The following COL6A3 variants were observed in gnomAD, a reference collection of about 807,000 sequenced individuals.
COL6A3 encodes the protein collagen type VI alpha 3 chain.
COL6A3 carries 137 observed loss-of-function variants against 274.1 expected under a neutral mutation model. The ratio of observed to expected loss-of-function variants is 0.50; its 90% CI spans 0.44 to 0.58. COL6A3 has a LOEUF of 0.58. COL6A3 is among the 20% of genes least tolerant of loss of function. COL6A3 has a pLI of 0.00. For synonymous variants in COL6A3, 1,650 were observed against 1,650.6 expected (o/e 1.00, Z 0.01); for missense variants, 3,950 against 4,124.9 (o/e 0.96, Z 1.16).
chr2:237,344,205 A>G lies in COL6A3; in HGVS notation c.7668+145T>C. The G allele has an allele frequency of 3.2e-6, 4 of 1,264,308 alleles. No homozygotes were observed. Among genetic ancestry groups the G allele is most frequent in the Non-Finnish European group, 4.6e-6 (4 of 874,028 alleles). The allele number at this position is 1,264,308 out of a possible 1,614,324, so 78.3% of individuals were successfully genotyped here. A position where few individuals can be genotyped will look rare whatever the true frequency, so the allele number is the denominator to read the frequency against. On this transcript the variant is annotated intron_variant, in intron 36 of 43. Coordinates refer to ENST00000295550, the MANE Select transcript of COL6A3 (RefSeq NM_004369.4). This position sits in a 1 kb window ranked among gnomAD's most constrained non-coding sequence, Gnocchi z 4.8. ...ACGAGGTTGTCCTGGAGACCTCACAAGAGAAGTTCTCAGGCAGATGGCCTC... is the reference window on the plus strand; with the variant it reads ...ACGAGGTTGTCCTGGAGACCTCACAGGAGAAGTTCTCAGGCAGATGGCCTC...
At chr2:237,346,427 TG>T in intron 32 of COL6A3, 75 bp downstream of exon 32, 2 of 1,250,246 alleles carry the variant, frequency 1.6e-6, no homozygotes, top group South Asian at 1.2e-5. Context: ...GCAAAGCAGA[TG>T]GTGGGAAGTT....
In COL6A3 at chr2:237,374,174, CT is replaced by C. The variant is rs1308546233; in HGVS notation, c.3679+237del. On this transcript the variant is annotated intron_variant, in intron 8 of 43. Coordinates refer to ENST00000295550, the MANE Select transcript of COL6A3 (RefSeq NM_004369.4). The surrounding 1 kb of genome is among the most constrained non-coding windows in gnomAD (Gnocchi z 4.8). Reference sequence around the variant, plus strand: ...TGAATTCCAAGCTGCACATATGTCCCTTTTGGAGAATTTAATTTGCCCCAAA... The same window carrying C: ...TGAATTCCAAGCTGCACATATGTCCCTTTGGAGAATTTAATTTGCCCCAAA... Among the ~76,000 whole-genome samples, 8 of 152,334 alleles carry C rather than the reference CT, an allele frequency of 5.3e-5. No individual in the cohort carries two copies. The highest frequency in any genetic ancestry group is 3.9e-4 in the Admixed American group (6 of 15,298).
In COL6A3 at chr2:237,351,433, C is replaced by T. The variant is rs546669733; in HGVS notation, c.6754-241G>A. On this transcript the variant is annotated intron_variant, in intron 26 of 43. Coordinates refer to ENST00000295550, the MANE Select transcript of COL6A3 (RefSeq NM_004369.4). ...TATTACCTCTCAGTGCCAGTTTTCA[C>T]AAATTAATGCATGTTGCAGTTATTA... Among the ~76,000 whole-genome samples, 11 of 152,356 alleles carry T rather than the reference C, an allele frequency of 7.2e-5. No homozygotes were observed. In the South Asian group the frequency reaches 2.3e-3, roughly 32 times the overall value.
chr2:237,354,807 G>T, intron 24 of COL6A3, 92 bp downstream of exon 24: 1 of 1,073,918 alleles, frequency 9.3e-7, no homozygotes, highest in Non-Finnish European at 1.3e-6. Flanking sequence ...CCGAAGCTTT[G>T]GGTTCACAGG....
At position 237,378,625 on chromosome 2, in the gene COL6A3, G is replaced by A. The variant is rs768852525; in HGVS notation, c.2497+11C>T. ...AAGGAGAGGGAGTTCCCGGCAACAG[G>A]GGAGGTTTACCTGGCTGAGCGAGTG... On this transcript the variant is annotated intron_variant, in intron 6 of 43. Coordinates refer to ENST00000295550, the MANE Select transcript of COL6A3 (RefSeq NM_004369.4). 2.5e-6 allele frequency: 4 copies of A among 1,612,310 alleles called. No homozygotes were observed. The highest frequency in any genetic ancestry group is 3.4e-6 in the Non-Finnish European group (4 of 1,180,016).
chr2:237,391,000 C>T (rs1268707949), intron 3 of COL6A3, among the ~76,000 whole-genome samples: 1 of 152,110 alleles, frequency 6.6e-6, no homozygotes, highest in Admixed American at 6.5e-5. Flanking sequence ...TCATATTTTA[C>T]ACATATGTGT....
At chr2:237,341,778 C>A (rs2076994398) in intron 37 of COL6A3, among the ~76,000 whole-genome samples, 1 of 152,128 alleles carries the variant, frequency 6.6e-6, no homozygotes, top group Non-Finnish European at 1.5e-5. Context: ...GTCACTAGTG[C>A]CAATGTTTTC....
At chr2:237,403,920 C>A (rs1017368387) in intron 1 of COL6A3, among the ~76,000 whole-genome samples, 9 of 151,892 alleles carry the variant, frequency 5.9e-5, no homozygotes, top group Non-Finnish European at 1.3e-4. Context: ...CAAGCTCTAC[C>A]TTTCTTCCCT....
chr2:237,399,395 T>A (rs1284932611), intron 1 of COL6A3, among the ~76,000 whole-genome samples: 1 of 152,172 alleles, frequency 6.6e-6, no homozygotes, highest in South Asian at 2.1e-4. Context: ...GTGAGGAGCA[T>A]GTGGTAGCCT....
At chr2:237,350,255 T>C (rs1290923174) in intron 27 of COL6A3, 46 bp from the exon 28 acceptor site, 1 of 1,585,940 alleles carries the variant, frequency 6.3e-7, no homozygotes, top group African/African-American at 1.3e-5. Context: ...TGGGGCTGGC[T>C]TACAGTGTGA....
chr2:237,358,369 A>C, intron 21 of COL6A3, 152 bp downstream of exon 21: 1 of 705,980 alleles, frequency 1.4e-6, no homozygotes, highest in South Asian at 1.7e-5. Context: ...ACATCTCCCC[A>C]AACCCCCAAA....
rs935625247 is a variant in COL6A3, at chr2:237,382,473, T to C, written c.1313-974A>G. Among the ~76,000 whole-genome samples the C allele has an allele frequency of 2.6e-5, 4 of 152,152 alleles. No homozygotes were observed. In the East Asian group the frequency reaches 7.7e-4, roughly 29 times the overall value. ...AAACCATAAAGCAAAAACATCTCAA[T>C]AAGATAACTGTCTCACAGTGACTGT... is the stretch of plus-strand genomic sequence containing the variant. On this transcript the variant is annotated intron_variant, in intron 4 of 43. Coordinates refer to ENST00000295550, the MANE Select transcript of COL6A3 (RefSeq NM_004369.4).
intron 2 of COL6A3, among the ~76,000 whole-genome samples, chr2:237,395,416 A>C (rs1241786023): frequency 6.6e-6 from 1 of 152,182 alleles, no homozygotes; most frequent in Non-Finnish European, 1.5e-5. Context: ...TCACTAGCCC[A>C]AGTTCCATAC....
rs1333302966 is a variant in COL6A3 at position 237,367,202 on chromosome 2, A to G, written c.4985T>C (p.Val1662Ala). ...RDSFQEVLRF[V>A]SEIVDTVYED... Reference sequence around the variant, plus strand: ...ATAAACTGTGTCCACTATTTCAGACACAAAACGAAGCACTTCCTGGAAACT... The same window carrying G: ...ATAAACTGTGTCCACTATTTCAGACGCAAAACGAAGCACTTCCTGGAAACT... Residue 1662 changes from valine to alanine, a missense_variant, in exon 11 of 44, where the codon GTG becomes GCG. Val to Ala is a moderately conservative substitution (Grantham distance 64, BLOSUM62 0). Transcript: ENST00000295550. 1.2e-6 allele frequency: 2 copies of G among 1,613,918 alleles called. No individual in the cohort carries two copies. Among genetic ancestry groups the G allele is most frequent in the Non-Finnish European group, 1.7e-6 (2 of 1,179,898 alleles).
Position 237,366,949 on chromosome 2 carries a change from A to C in COL6A3, c.5238T>G (p.Ile1746Met). 1 of 1,614,250 alleles carries C rather than the reference A, an allele frequency of 6.2e-7. No homozygotes were observed. Residue 1746 changes from isoleucine to methionine, a missense_variant, in exon 11 of 44, where the codon ATT becomes ATG. This residue lies in a region of COL6A3 where 632 missense variants were observed against 623.4 expected (regional missense o/e 1.01). Coordinates refer to ENST00000295550, the MANE Select transcript of COL6A3 (RefSeq NM_004369.4). Reference protein sequence around the residue: ...GSRLDQRVPQIAFVITGGKSV... With the variant: ...GSRLDQRVPQMAFVITGGKSV... ...ACTTTCCTCCCGTGATCACAAAGGCAATCTGAGGGACCCGCTGGTCCAGGC... is the reference window on the plus strand; with the variant it reads ...ACTTTCCTCCCGTGATCACAAAGGCCATCTGAGGGACCCGCTGGTCCAGGC...
Position 237,336,508 on chromosome 2 carries a change from T to C in COL6A3, c.8592A>G (p.Ser2864=), listed in dbSNP as rs898884846. 6.2e-7 allele frequency: 1 copy of C among 1,614,116 alleles called. No homozygotes were observed. Among genetic ancestry groups the C allele is most frequent in the Non-Finnish European group, 8.5e-7 (1 of 1,180,054 alleles). Residue 2864 remains serine (S), a synonymous_variant, in exon 40 of 44, where the codon TCA becomes TCG. Transcript: ENST00000295550. ...TCGTCACTGGGTTGGATGTAGGACT[T>C]GAAGTAACGTTATTCGGAACATTTC... ...KQVNVPNNVT[S]SPTSNPVTTT...
rs200456255 is a variant in COL6A3, at chr2:237,342,135, C to A, written c.7695G>T (p.Ala2565=). 6.2e-7 allele frequency: 1 copy of A among 1,614,098 alleles called. No homozygotes were observed. Among genetic ancestry groups the A allele is most frequent in the Non-Finnish European group, 8.5e-7 (1 of 1,180,044 alleles). The part of the protein sequence containing the change: ...LQINNTAVGH[A]LVLPAGRDLT... ...GGTCTCTCCCTGCAGGCAGGACAAG[C>A]GCATGCCCCACTGCTGTGTTATTGA... Residue 2565 remains alanine, a synonymous_variant, in exon 37 of 44, where the codon GCG becomes GCT. Coordinates refer to ENST00000295550, the MANE Select transcript of COL6A3 (RefSeq NM_004369.4).
chr2:237,400,675 T>C (rs1262992805), intron 1 of COL6A3, among the ~76,000 whole-genome samples: 1 of 151,790 alleles, frequency 6.6e-6, no homozygotes, highest in Non-Finnish European at 1.5e-5. Flanking sequence ...GGAAAATTCT[T>C]CCAAACACTT....
chr2:237,337,333 C>T (rs937146641), intron 39 of COL6A3, among the ~76,000 whole-genome samples: 15 of 152,008 alleles, frequency 9.9e-5, no homozygotes, highest in Admixed American at 2.0e-4. Flanking sequence ...AGAAAAAATA[C>T]GAATCATTAG....
Sources: allele counts gnomAD v4.1 joint callset (sites outside exome capture counted in the v4.1 genomes callset), GRCh38; gene constraint gnomAD v4.1.1; regional missense constraint gnomAD v4.1.1; non-coding constraint Gnocchi (gnomAD v3.1); transcripts MANE v1.5; gene names NCBI Gene and HGNC (gene_info 2026-07-23, HGNC 2026-07-21).